The following PDHX variants were observed in gnomAD, a reference collection of about 807,000 sequenced individuals.
PDHX encodes the protein pyruvate dehydrogenase complex component X.
In PDHX, 33 loss-of-function variants were observed where a neutral mutation model predicts 55.3. The ratio of observed to expected loss-of-function variants is 0.60; its 90% CI spans 0.45 to 0.80. PDHX has a LOEUF of 0.80. Ranked by LOEUF, PDHX falls within the 30% of genes least tolerant of loss-of-function variation. The probability of loss-of-function intolerance (pLI) is 0.00; values close to 1 mark genes in which losing one functional copy is unlikely to be tolerated. For missense variants in PDHX, 622 were observed against 619.9 expected, an observed-to-expected ratio of 1.00 and a Z score of -0.04; for synonymous variants, 226 against 219.4, an observed-to-expected ratio of 1.03 and a Z score of -0.27.
At chr11:34,968,982 A>G (rs1855195351) in intron 6 of PDHX, among the ~76,000 whole-genome samples, 1 of 152,196 alleles carries the variant, frequency 6.6e-6, no homozygotes, top group Non-Finnish European at 1.5e-5. Context: ...AAAGTGATAC[A>G]CATTCAGTAG....
At chr11:34,955,267 G>A (rs896696501) in intron 3 of PDHX, among the ~76,000 whole-genome samples, 1 of 152,094 alleles carries the variant, frequency 6.6e-6, no homozygotes, top group Non-Finnish European at 1.5e-5. Context: ...AAACAGTTTT[G>A]CAAAGAGTAT....
chr11:34,990,816 T>G (rs1001815161), intron 9 of PDHX, among the ~76,000 whole-genome samples: 4 of 152,206 alleles, frequency 2.6e-5, no homozygotes, highest in African/African-American at 9.6e-5. Context: ...GTTTTTAGAT[T>G]TTTGATATTT....
Position 34,916,897 on chromosome 11 carries a change from C to A in PDHX, c.160+82C>A, listed in dbSNP as rs549854173. The A allele has an allele frequency of 5.2e-6, 7 of 1,343,068 alleles. No individual in the cohort carries two copies. In the South Asian group the frequency reaches 6.3e-5, roughly 12 times the overall value. 83.2% of individuals were successfully genotyped at this position (1,343,068 alleles called of 1,614,324 possible). ...AGGGGCAGTTATGATTGAGGGCCTG[C>A]TTTTGGGTGTGAAGGTGCGCGGGCT... is the stretch of plus-strand genomic sequence containing the variant. On this transcript the variant is annotated intron_variant, in intron 1 of 10. Coordinates refer to ENST00000227868, the MANE Select transcript of PDHX (RefSeq NM_003477.3).
At position 34,960,537 on chromosome 11, in the gene PDHX, T is replaced by A. The variant is rs922274408; in HGVS notation, c.641+19T>A. On this transcript the variant is annotated intron_variant, in intron 5 of 10. Coordinates refer to ENST00000227868, the MANE Select transcript of PDHX (RefSeq NM_003477.3). ...CTAAAGAGTATGTGTTTGCTTTTTG[T>A]AATAACCAGTTCCATTATTTATTAT... The A allele has an allele frequency of 2.3e-6, 3 of 1,325,768 alleles. No individual in the cohort carries two copies. The African/African-American group carries it at 4.3e-5, about 19-fold the overall frequency. 82.1% of individuals were successfully genotyped at this position (1,325,768 alleles called of 1,614,324 possible). A position where few individuals can be genotyped will look rare whatever the true frequency, so the allele number is the denominator to read the frequency against.
chr11:34,947,019 TTATGCTTTA>T (rs1854636031), intron 2 of PDHX, among the ~76,000 whole-genome samples: 1 of 151,810 alleles, frequency 6.6e-6, no homozygotes, highest in Non-Finnish European at 1.5e-5. Flanking sequence ...TTTTCTCTTT[TTATGCTTTA>T]TATGCTTTAT....
intron 5 of PDHX, among the ~76,000 whole-genome samples, chr11:34,963,506 T>C (rs913782224): frequency 4.6e-5 from 7 of 152,156 alleles, no homozygotes; most frequent in Admixed American, 3.3e-4. Flanking sequence ...TCTCAAGCTC[T>C]TGGCCTCAGG....
intron 1 of PDHX, among the ~76,000 whole-genome samples, chr11:34,919,115 TG>T (rs1187273310): frequency 3.9e-5 from 6 of 152,340 alleles, no homozygotes; most frequent in African/African-American, 1.4e-4. Flanking sequence ...ATTCTGCATG[TG>T]AAGCTGTGGA....
At chr11:34,973,592 A>G (rs1386189329) in intron 7 of PDHX, among the ~76,000 whole-genome samples, 1 of 151,936 alleles carries the variant, frequency 6.6e-6, no homozygotes, top group Non-Finnish European at 1.5e-5. Flanking sequence ...CTTAGGGTTT[A>G]CAATGTAATT....
At chr11:34,947,887 G>A (rs957043859) in intron 3 of PDHX, among the ~76,000 whole-genome samples, 1 of 152,162 alleles carries the variant, frequency 6.6e-6, no homozygotes, top group Non-Finnish European at 1.5e-5. Flanking sequence ...GCTACATATG[G>A]TAGAAACATG....
intron 2 of PDHX, among the ~76,000 whole-genome samples, chr11:34,938,837 G>C (rs1370895273): frequency 5.3e-5 from 8 of 152,158 alleles, no homozygotes; most frequent in African/African-American, 1.7e-4. Flanking sequence ...TTTTCATGTA[G>C]GACAGGCCAG....
At chr11:34,977,730 G>A (rs368631478) in intron 7 of PDHX, 12 of 456,474 alleles carry the variant, frequency 2.6e-5, no homozygotes, top group African/African-American at 8.0e-5. Context: ...TGAAAAGAAC[G>A]AGGAAGAAAA....
In PDHX at chr11:34,960,502, G is replaced by A; in HGVS notation, c.625G>A (p.Gly209Arg). 6 of 1,601,036 alleles carry A rather than the reference G, an allele frequency of 3.7e-6. No individual in the cohort carries two copies. The highest frequency in any genetic ancestry group is 5.1e-6 in the Non-Finnish European group (6 of 1,168,418). The change falls in exon 5 of 11, where the codon GGG becomes AGG. Residue 209 changes from glycine (G) to arginine (R), a missense_variant. Gly to Arg is a moderately radical substitution (Grantham distance 125). Transcript: ENST00000227868. ...CCAGGGCACAGCCACTGGCCCTCGG[G>A]GGATATTCACTAAAGAGTATGTGTT... ...ASQGTATGPR[G>R]IFTKEDALKL...
At chr11:34,978,440 T>C (rs774722963) in intron 8 of PDHX, among the ~76,000 whole-genome samples, 1 of 152,150 alleles carries the variant, frequency 6.6e-6, no homozygotes, top group Admixed American at 6.5e-5. Flanking sequence ...GCTTACTTGA[T>C]TTCTGCTGTC....
intron 9 of PDHX, among the ~76,000 whole-genome samples, chr11:34,990,304 A>G (rs1855730743): frequency 6.6e-6 from 1 of 152,196 alleles, no homozygotes; most frequent in African/African-American, 2.4e-5. Context: ...TGGATGCTTC[A>G]GGTAACATGT....
intron 8 of PDHX, among the ~76,000 whole-genome samples, chr11:34,979,748 G>A (rs576959424): frequency 2.6e-5 from 4 of 151,792 alleles, no homozygotes; most frequent in Non-Finnish European, 5.9e-5. Flanking sequence ...ATCTCTAATG[G>A]GCATAAGCTA....
At chr11:34,916,201 A>G, upstream of PDHX, 1 of 1,602,642 alleles carries the variant, frequency 6.2e-7, no homozygotes, top group Non-Finnish European at 8.5e-7. Flanking sequence ...TCCTGGGAAT[A>G]CCGGGCACCG....
At chr11:34,964,256 C>T (rs1311891222) in intron 5 of PDHX, among the ~76,000 whole-genome samples, 1 of 152,146 alleles carries the variant, frequency 6.6e-6, no homozygotes, top group African/African-American at 2.4e-5. Context: ...AAATCATTGG[C>T]TGTTACTAAA....
chr11:34,939,807 C>A (rs186601903), intron 2 of PDHX, among the ~76,000 whole-genome samples: 21 of 152,214 alleles, frequency 1.4e-4, no homozygotes, highest in African/African-American at 4.6e-4. Context: ...TAGAGTACTT[C>A]ATTTCAGTCT....
intron 9 of PDHX, 78 bp from the exon 10 acceptor site, chr11:34,992,237 A>G: frequency 1.3e-6 from 1 of 797,380 alleles, no homozygotes; most frequent in Non-Finnish European, 2.2e-6. Context: ...AGAGTATATG[A>G]TGTACAAATA....
Sources: gnomAD v4.1 joint callset for allele counts (sites outside exome capture counted in the v4.1 genomes callset) on GRCh38, gnomAD v4.1.1 for gene constraint, MANE v1.5 for transcripts, NCBI Gene and HGNC (gene_info 2026-07-23, HGNC 2026-07-21) for gene names.